KCNQ1: variants seen among roughly 807,000 people sequenced by gnomAD.
KCNQ1 encodes potassium voltage-gated channel subfamily KQT member 1.
In KCNQ1, 49 loss-of-function variants were observed where a neutral mutation model predicts 72.4. The ratio of observed to expected loss-of-function variants is 0.68; its 90% CI spans 0.54 to 0.86. The LOEUF is 0.86. Among genes scored for constraint, KCNQ1 ranks in the 40% least tolerant of loss-of-function variants. The probability of loss-of-function intolerance (pLI) is 0.00; values close to 1 mark genes in which losing one functional copy is unlikely to be tolerated. For synonymous variants in KCNQ1, 450 were observed against 412.6 expected, an observed-to-expected ratio of 1.09 and a Z score of -1.10; for missense variants, 790 against 945.1, an observed-to-expected ratio of 0.84 and a Z score of 2.15.
In KCNQ1 at chr11:2,479,915, C is replaced by A. The variant is rs975432452; in HGVS notation, c.386+34431C>A. ...TTTGCAGCTTAGAAATTTCTTCCAC[C>A]AAATACCCTAAATCATCTCCCTCAA... On this transcript the variant is annotated intron_variant, in intron 1 of 15. Coordinates refer to ENST00000155840, the MANE Select transcript of KCNQ1 (RefSeq NM_000218.3). This position sits in a 1 kb window ranked among gnomAD's most constrained non-coding sequence, Gnocchi z 4.6. Among the ~76,000 whole-genome samples, 1 of 152,170 alleles carries A rather than the reference C, an allele frequency of 6.6e-6. No homozygotes were observed. The highest frequency in any genetic ancestry group is 6.5e-5 in the Admixed American group (1 of 15,282).
intron 11 of KCNQ1, chr11:2,693,245 C>T (rs906039064): frequency 1.8e-5 from 7 of 398,678 alleles, no homozygotes; most frequent in Non-Finnish European, 3.1e-5. Flanking sequence ...CCAGGGCTAC[C>T]TGTACAGCTA....
rs554617510 is a variant in KCNQ1, at chr11:2,587,559, C to T, written c.1129-11C>T. 2 of 1,613,604 alleles carry T rather than the reference C, an allele frequency of 1.2e-6. No individual in the cohort carries two copies. The highest frequency in any genetic ancestry group is 1.1e-5 in the South Asian group (1 of 91,088). ...CAGCAGGTGACAGCCTGTCCCCCTG[C>T]CCGACCTCAGACCGCATGGAGGTGC... On this transcript the variant is annotated splice_polypyrimidine_tract_variant and intron_variant, in intron 8 of 15. Coordinates refer to ENST00000155840, the MANE Select transcript of KCNQ1 (RefSeq NM_000218.3).
chr11:2,565,629 A>T lies in KCNQ1; in HGVS notation c.478-4999A>T, dbSNP rs1848236185. 6.6e-6 allele frequency among the ~76,000 whole-genome samples: 1 copy of T among 152,090 alleles called. No homozygotes were observed. Among genetic ancestry groups the T allele is most frequent in the South Asian group, 2.1e-4 (1 of 4,822 alleles). ...GGGCTGACTTGTGGCCAGGGGAAAG[A>T]CCCGTGGCCTATCTTGTTTTGGGGG... On this transcript the variant is annotated intron_variant, in intron 2 of 15. Transcript: ENST00000155840. The surrounding 1 kb of genome is among the most constrained non-coding windows in gnomAD (Gnocchi z 5.6).
intron 15 of KCNQ1, among the ~76,000 whole-genome samples, chr11:2,814,284 TG>T (rs1847564877): frequency 7.2e-6 from 1 of 138,890 alleles, no homozygotes; most frequent in African/African-American, 3.1e-5. Context: ...GATGGTGGGA[TG>T]GATGGATGGA....
chr11:2,629,528 C>T (rs746851277), intron 10 of KCNQ1: 13 of 398,232 alleles, frequency 3.3e-5, no homozygotes, highest in Non-Finnish European at 4.4e-5. Context: ...GTAAAGGTCT[C>T]GACTTCATTC....
chr11:2,842,802 T>A (rs1564914077), intron 15 of KCNQ1, among the ~76,000 whole-genome samples: 1 of 152,194 alleles, frequency 6.6e-6, no homozygotes. Context: ...TGGCTCGCAG[T>A]GCACTGAGCA....
intron 15 of KCNQ1, among the ~76,000 whole-genome samples, chr11:2,814,826 TC>T (rs1439746891): frequency 1.3e-5 from 2 of 152,190 alleles, no homozygotes; most frequent in Non-Finnish European, 2.9e-5. Context: ...CAGTCTGCTG[TC>T]CTACCAAGGC....
At chr11:2,681,769 G>T (rs1850402527) in intron 11 of KCNQ1, 2 of 398,334 alleles carry the variant, frequency 5.0e-6, no homozygotes, top group Admixed American at 8.8e-5. Context: ...GGGGCCCTGG[G>T]ACCTGGGAGG....
chr11:2,730,277 C>A (rs1221257939), intron 11 of KCNQ1, among the ~76,000 whole-genome samples: 1 of 152,216 alleles, frequency 6.6e-6, no homozygotes, highest in African/African-American at 2.4e-5. Flanking sequence ...ACCATTTTAG[C>A]TTCTTACGGC....
intron 15 of KCNQ1, among the ~76,000 whole-genome samples, chr11:2,842,137 G>A (rs1359428028): frequency 2.6e-5 from 4 of 152,192 alleles, no homozygotes; most frequent in African/African-American, 7.2e-5. Context: ...TGCAGCCTCT[G>A]AGCGGACACA....
In KCNQ1 at chr11:2,491,976, G is replaced by T. The variant is rs1230384542; in HGVS notation, c.387-35952G>T. 6.6e-6 allele frequency among the ~76,000 whole-genome samples: 1 copy of T among 152,152 alleles called. No homozygotes were observed. The highest frequency in any genetic ancestry group is 2.4e-5 in the African/African-American group (1 of 41,434). On this transcript the variant is annotated intron_variant, in intron 1 of 15. Transcript: ENST00000155840. This position sits in a 1 kb window ranked among gnomAD's most constrained non-coding sequence, Gnocchi z 4.1. ...CTTTTGCTCTAGAATAGTATATCTGGTGAAAATATCCTTCCAACATGAAGG... is the reference window on the plus strand; with the variant it reads ...CTTTTGCTCTAGAATAGTATATCTGTTGAAAATATCCTTCCAACATGAAGG...
Position 2,629,454 on chromosome 11 carries a change from T to C in KCNQ1, c.1394-32507T>C, listed in dbSNP as rs542214804. 17 of 398,530 alleles carry C rather than the reference T, an allele frequency of 4.3e-5. No individual in the cohort carries two copies. The South Asian group carries it at 1.4e-3, about 33-fold the overall frequency. 24.7% of individuals were successfully genotyped at this position (398,530 alleles called of 1,614,324 possible). On this transcript the variant is annotated intron_variant, in intron 10 of 15. Coordinates refer to ENST00000155840, the MANE Select transcript of KCNQ1 (RefSeq NM_000218.3). The stretch of plus-strand genomic sequence containing the variant: ...CCCATGTTTTCTTCTAAGAGTTTTA[T>C]AGTTTTAGGTCTTACATTTAGGTCT...
At chr11:2,456,104 C>G (rs556408904) in intron 1 of KCNQ1, among the ~76,000 whole-genome samples, 1 of 152,144 alleles carries the variant, frequency 6.6e-6, no homozygotes, top group African/African-American at 2.4e-5. Context: ...CTTTGGGAGG[C>G]CAAGGTGGGT....
chr11:2,512,616 G>A (rs1015229096), intron 1 of KCNQ1, among the ~76,000 whole-genome samples: 5 of 152,218 alleles, frequency 3.3e-5, no homozygotes, highest in African/African-American at 7.2e-5. Flanking sequence ...CCCTCTGGCC[G>A]CCTCTTGCTC....
In KCNQ1 at chr11:2,642,844, A is replaced by G; in HGVS notation, c.1394-19117A>G. 2.5e-6 allele frequency: 1 copy of G among 397,778 alleles called. No homozygotes were observed. 24.6% of individuals were successfully genotyped at this position (397,778 alleles called of 1,614,324 possible). A position where few individuals can be genotyped will look rare whatever the true frequency, so the allele number is the denominator to read the frequency against. On this transcript the variant is annotated intron_variant, in intron 10 of 15. Coordinates refer to ENST00000155840, the MANE Select transcript of KCNQ1 (RefSeq NM_000218.3). This position sits in a 1 kb window ranked among gnomAD's most constrained non-coding sequence, Gnocchi z 4.3. ...AGCATTGCTTTTGCAGTATCCCTTA[A>G]GTTTCAGAATGTTGTGCTTCTATTT...
chr11:2,756,302 T>C (rs975481314), intron 11 of KCNQ1, among the ~76,000 whole-genome samples: 6 of 151,958 alleles, frequency 3.9e-5, no homozygotes, highest in Non-Finnish European at 7.4e-5. Flanking sequence ...TGAGTAAACA[T>C]GGAATGCCCA....
intron 11 of KCNQ1, chr11:2,686,520 C>A: frequency 2.5e-6 from 1 of 398,680 alleles, no homozygotes; most frequent in Non-Finnish European, 4.4e-6. Flanking sequence ...ACTCCCGTCA[C>A]GGAAATGACA....
In KCNQ1 at chr11:2,809,191, A is replaced by AT. The variant is rs1386747545; in HGVS notation, c.1794+31161dup. ...GATGCCTGCAGCTTTTGAATTGTTG[A>AT]TTTTTTTCTTTTTTTAAGAAGAAAC... On this transcript the variant is annotated intron_variant, in intron 15 of 15. Transcript: ENST00000155840. The surrounding 1 kb of genome is among the most constrained non-coding windows in gnomAD (Gnocchi z 7.1). Among the ~76,000 whole-genome samples, 2 of 152,116 alleles carry AT rather than the reference A, an allele frequency of 1.3e-5. No individual in the cohort carries two copies. Among genetic ancestry groups the AT allele is most frequent in the African/African-American group, 2.4e-5 (1 of 41,418 alleles).
At chr11:2,770,927 C>T (rs1470519345) in intron 12 of KCNQ1, among the ~76,000 whole-genome samples, 1 of 152,238 alleles carries the variant, frequency 6.6e-6, no homozygotes, top group East Asian at 1.9e-4. Context: ...CAGGGCAGTC[C>T]CCCGAGGGCA....
Sources: gnomAD v4.1 joint callset for allele counts (sites outside exome capture counted in the v4.1 genomes callset) on GRCh38, gnomAD v4.1.1 for gene constraint, Gnocchi (gnomAD v3.1) non-coding constraint, MANE v1.5 for transcripts, NCBI Gene and HGNC (gene_info 2026-07-23, HGNC 2026-07-21) for gene names.